Variants in RCL1 observed in about 807,000 individuals in gnomAD.
RCL1 encodes RNA 3'-terminal phosphate cyclase-like protein.
Under a neutral mutation model 42.4 loss-of-function variants are expected in RCL1, and 24 were observed. The observed-to-expected ratio is 0.57, with a 90% confidence interval of 0.41 to 0.80. The LOEUF is 0.80. Among genes scored for constraint, RCL1 ranks in the 30% least tolerant of loss-of-function variants. RCL1 has a pLI of 0.00. For synonymous variants in RCL1, 228 were observed against 177.3 expected (o/e 1.29, Z -2.27); for missense variants, 578 against 467.9 (o/e 1.24, Z -2.17).
intron 1 of RCL1, among the ~76,000 whole-genome samples, chr9:4,810,614 G>A (rs926116721): frequency 2.0e-5 from 3 of 148,930 alleles, no homozygotes; most frequent in Non-Finnish European, 4.4e-5. Context: ...ATTAAAAACA[G>A]TGATACCAAG....
chr9:4,848,013 G>T (rs1052633175), intron 7 of RCL1, among the ~76,000 whole-genome samples: 5 of 152,176 alleles, frequency 3.3e-5, no homozygotes, highest in Non-Finnish European at 5.9e-5. Flanking sequence ...CCTCCATGAT[G>T]TCCTGTACAG....
intron 6 of RCL1, among the ~76,000 whole-genome samples, chr9:4,844,125 G>A (rs1817427823): frequency 6.6e-6 from 1 of 152,132 alleles, no homozygotes; most frequent in Non-Finnish European, 1.5e-5. Flanking sequence ...AGTGAAACAA[G>A]TATTTTGGCT....
At chr9:4,812,893 A>G (rs1242184361) in intron 1 of RCL1, among the ~76,000 whole-genome samples, 1 of 152,130 alleles carries the variant, frequency 6.6e-6, no homozygotes, top group Non-Finnish European at 1.5e-5. Flanking sequence ...GTATGTAAAA[A>G]TGTTACTGAT....
At chr9:4,849,188 G>A (rs1057354714) in intron 7 of RCL1, among the ~76,000 whole-genome samples, 25 of 137,356 alleles carry the variant, frequency 1.8e-4, no homozygotes, top group African/African-American at 6.8e-4. Context: ...TTTTTTACTA[G>A]ATTCACTTAA....
In RCL1 at chr9:4,793,058, T is replaced by G; in HGVS notation, c.-34T>G. 6.3e-7 allele frequency: 1 copy of G among 1,594,380 alleles called. No homozygotes were observed. Among genetic ancestry groups the G allele is most frequent in the South Asian group, 1.1e-5 (1 of 88,388 alleles). ...CCGCGTCTGTCCGAAGTCGCCGCTC[T>G]CGGGCTGCTCACGTCTCTTCGGAGA... On this transcript the variant is annotated 5_prime_UTR_variant, in exon 1 of 9. Transcript: ENST00000381750.
chr9:4,824,794 C>G (rs1280249925), intron 2 of RCL1, among the ~76,000 whole-genome samples: 1 of 152,230 alleles, frequency 6.6e-6, no homozygotes, highest in African/African-American at 2.4e-5. Flanking sequence ...GAATGAGATA[C>G]TCACATGTCT....
chr9:4,833,324 C>T (rs971885016), intron 4 of RCL1, 96 bp downstream of exon 4: 6 of 884,908 alleles, frequency 6.8e-6, no homozygotes, highest in Middle Eastern at 2.1e-4. Context: ...ATGTGTGTCA[C>T]ATTTGAAGTC....
At position 4,812,241 on chromosome 9, in the gene RCL1, C is replaced by T. The variant is rs1030624813; in HGVS notation, c.137-11307C>T. ...TTGTTGCCTATGCTTTTGAGGTCTT[C>T]TCCAGAAAATGTTTGCCCAGAGTAA... On this transcript the variant is annotated intron_variant, in intron 1 of 8. Transcript: ENST00000381750. 2.0e-5 allele frequency among the ~76,000 whole-genome samples: 3 copies of T among 152,022 alleles called. No homozygotes were observed. In the East Asian group the frequency reaches 5.8e-4, roughly 29 times the overall value.
At chr9:4,851,973 C>T (rs924405101) in intron 8 of RCL1, among the ~76,000 whole-genome samples, 6 of 149,774 alleles carry the variant, frequency 4.0e-5, no homozygotes, top group Admixed American at 6.7e-5. Context: ...CTCCGCCTCC[C>T]GGGTTCAACG....
chr9:4,845,662 A>G (rs1171307871), intron 7 of RCL1, among the ~76,000 whole-genome samples: 1 of 152,214 alleles, frequency 6.6e-6, no homozygotes, highest in Non-Finnish European at 1.5e-5. Flanking sequence ...CACATCAAGA[A>G]GGTGAAACCT....
intron 8 of RCL1, among the ~76,000 whole-genome samples, chr9:4,854,013 C>G (rs1817847799): frequency 6.6e-6 from 1 of 152,156 alleles, no homozygotes; most frequent in African/African-American, 2.4e-5. Context: ...TCACTGCATT[C>G]CATGAGCTTG....
At chr9:4,849,240 A>G (rs1429110032) in intron 7 of RCL1, among the ~76,000 whole-genome samples, 1 of 151,290 alleles carries the variant, frequency 6.6e-6, no homozygotes, top group Non-Finnish European at 1.5e-5. Flanking sequence ...AGTCTCAACT[A>G]TTACAGTTGC....
Position 4,820,720 on chromosome 9 carries a change from G to A in RCL1, c.137-2828G>A, listed in dbSNP as rs541006637. Among the ~76,000 whole-genome samples, 4 of 152,226 alleles carry A rather than the reference G, an allele frequency of 2.6e-5. No homozygotes were observed. The South Asian group carries it at 8.3e-4, about 32-fold the overall frequency. On this transcript the variant is annotated intron_variant, in intron 1 of 8. Coordinates refer to ENST00000381750, the MANE Select transcript of RCL1 (RefSeq NM_005772.5). ...GGCTTTCCTTTTTTCTGCAGAGCAC[G>A]TTAGATTTTCTATAAACCTAAGTAG...
At chr9:4,809,115 T>A (rs1012969983) in intron 1 of RCL1, among the ~76,000 whole-genome samples, 4 of 152,130 alleles carry the variant, frequency 2.6e-5, no homozygotes, top group African/African-American at 9.7e-5. Flanking sequence ...GTTTTTTTTT[T>A]AATGGCTACA....
intron 1 of RCL1, among the ~76,000 whole-genome samples, chr9:4,800,386 T>C (rs996250427): frequency 6.6e-6 from 1 of 151,970 alleles, no homozygotes; most frequent in African/African-American, 2.4e-5. Context: ...AGATAATTTT[T>C]GTATTTTTAG....
At position 4,849,524 on chromosome 9, in the gene RCL1, C is replaced by A; in HGVS notation, c.945C>A (p.Val315=). Residue 315 remains valine (V), a synonymous_variant, in exon 8 of 9, where the codon GTC becomes GTA. Transcript: ENST00000381750. The stretch of plus-strand genomic sequence containing the variant: ...TTGGACAGCAGGATGTTTCCAAAGT[C>A]CTGCTAGGCCCTCTCTCTCCCTACA... ...MTLGQQDVSK[V]LLGPLSPYTI... 1.2e-6 allele frequency: 2 copies of A among 1,613,232 alleles called. No homozygotes were observed. Among genetic ancestry groups the A allele is most frequent in the South Asian group, 1.1e-5 (1 of 91,032 alleles).
chr9:4,833,387 A>T (rs1406501558), intron 4 of RCL1, among the ~76,000 whole-genome samples, 159 bp downstream of exon 4: 1 of 152,214 alleles, frequency 6.6e-6, no homozygotes, highest in Non-Finnish European at 1.5e-5. Context: ...ACAGACTTTG[A>T]ACTGAAAGGG....
rs34470773 is a variant in RCL1, at chr9:4,857,931, C to CTTTTTTTTTTTTTTTTTTT, written c.972-2193_972-2175dup. On this transcript the variant is annotated intron_variant, in intron 8 of 8. Transcript: ENST00000381750. The stretch of plus-strand genomic sequence containing the variant: ...AGGAAATATCCGTTTAGCTCTCCCA[C>CTTTTTTTTTTTTTTTTTTT]TTTTTTTTTTTTTTTTTTTCAGTGA... Among the ~76,000 whole-genome samples the CTTTTTTTTTTTTTTTTTTT allele has an allele frequency of 3.9e-5, 4 of 103,048 alleles. 1 individual carries two copies. The highest frequency in any genetic ancestry group is 7.3e-5 in the Non-Finnish European group (4 of 54,996). 67.6% of individuals were successfully genotyped at this position (103,048 alleles called of 152,430 possible).
At chr9:4,824,277 C>T (rs1042624663) in intron 2 of RCL1, among the ~76,000 whole-genome samples, 4 of 152,174 alleles carry the variant, frequency 2.6e-5, no homozygotes, top group African/African-American at 9.7e-5. Context: ...ATTCCCCTCT[C>T]CAGGGGTAGC....
Sources: gnomAD v4.1 joint callset for allele counts (sites outside exome capture counted in the v4.1 genomes callset) on GRCh38, gnomAD v4.1.1 for gene constraint, MANE v1.5 for transcripts, NCBI Gene and HGNC (gene_info 2026-07-23, HGNC 2026-07-21) for gene names.